The following CSMD1 variants were observed in gnomAD, a reference collection of about 807,000 sequenced individuals.
CSMD1 encodes CUB and sushi domain-containing protein 1.
Under a neutral mutation model 417.5 loss-of-function variants are expected in CSMD1, and 213 were observed. That is an observed-to-expected ratio of 0.51 (90% CI 0.46 to 0.57). CSMD1 has a LOEUF of 0.57. Ranked by LOEUF, CSMD1 falls within the 20% of genes least tolerant of loss-of-function variation. The pLI, the probability that CSMD1 is intolerant of heterozygous loss-of-function variation, is 0.00. For synonymous variants in CSMD1, 2,862 were observed against 1,736.8 expected (o/e 1.65, Z -16.11); for missense variants, 6,923 against 4,529.7 (o/e 1.53, Z -15.17).
intron 7 of CSMD1, among the ~76,000 whole-genome samples, chr8:3,630,786 G>C (rs1036675823): frequency 1.3e-4 from 20 of 152,194 alleles, no homozygotes; most frequent in Admixed American, 4.6e-4. Flanking sequence ...TAAAGCAATA[G>C]AAGAACACAT....
chr8:3,258,216 A>G (rs958920183), intron 26 of CSMD1, among the ~76,000 whole-genome samples: 1 of 152,238 alleles, frequency 6.6e-6, no homozygotes. Flanking sequence ...AATGTCTAAT[A>G]TCCAGCATCT....
chr8:4,431,104 A>T (rs144979601), intron 2 of CSMD1, among the ~76,000 whole-genome samples: 1 of 152,110 alleles, frequency 6.6e-6, no homozygotes, highest in East Asian at 1.9e-4. Flanking sequence ...ATTTAATCTT[A>T]AACAGACCAC....
chr8:4,341,224 G>C (rs1168018873), intron 3 of CSMD1, among the ~76,000 whole-genome samples: 1 of 151,990 alleles, frequency 6.6e-6, no homozygotes, highest in Non-Finnish European at 1.5e-5. Flanking sequence ...CATGGTACTA[G>C]CAATTACATA....
At chr8:4,207,755 T>A (rs1647313) in intron 3 of CSMD1, among the ~76,000 whole-genome samples, 148,023 of 152,110 alleles carry the variant, frequency 0.97, 72,165 homozygotes, top group Middle Eastern at 1. Context: ...AACATTTCGA[T>A]AATCTACTAG....
At chr8:4,838,647 T>C (rs1221609895) in intron 1 of CSMD1, among the ~76,000 whole-genome samples, 2 of 152,242 alleles carry the variant, frequency 1.3e-5, no homozygotes, top group Non-Finnish European at 2.9e-5. Flanking sequence ...ATAGCTCTAT[T>C]GCAGACGCGG....
At chr8:4,934,007 T>A (rs12679259) in intron 1 of CSMD1, among the ~76,000 whole-genome samples, 41,901 of 150,580 alleles carry the variant, frequency 0.28, 6,433 homozygotes, top group East Asian at 0.47. Context: ...GCTTTTTTTT[T>A]AAAAAAAAAT....
chr8:4,635,220 T>G (rs1802752101), intron 2 of CSMD1, among the ~76,000 whole-genome samples: 1 of 152,160 alleles, frequency 6.6e-6, no homozygotes, highest in Admixed American at 6.5e-5. Flanking sequence ...AAACATTCTG[T>G]TGTACATACA....
intron 2 of CSMD1, among the ~76,000 whole-genome samples, chr8:4,517,132 G>C (rs1362486490): frequency 6.6e-6 from 1 of 152,006 alleles, no homozygotes; most frequent in Non-Finnish European, 1.5e-5. Flanking sequence ...ATGAAATAAA[G>C]GAAAACATGA....
chr8:3,338,950 G>C (rs1205958733), intron 23 of CSMD1, among the ~76,000 whole-genome samples: 1 of 150,946 alleles, frequency 6.6e-6, no homozygotes, highest in African/African-American at 2.4e-5. Flanking sequence ...TCGTCATCTA[G>C]CATTACGTAT....
rs1194658805 is a variant in CSMD1 at position 3,110,229 on chromosome 8, A to G, written c.6537T>C (p.Pro2179=). 1 of 1,613,020 alleles carries G rather than the reference A, an allele frequency of 6.2e-7. No homozygotes were observed. The highest frequency in any genetic ancestry group is 1.3e-5 in the African/African-American group (1 of 74,910). ...LKDCIWLITV[P]PGHGVYINFT... ...AGTTGATGTAAACTCCGTGCCCTGG[A>G]GGCACCGTGATGAGCCAAATGCAGT... Residue 2179 remains proline (P), a synonymous_variant, in exon 43 of 70, where the codon CCT becomes CCC. Transcript: ENST00000635120.
chr8:4,916,641 T>TA (rs1473131109), intron 1 of CSMD1, among the ~76,000 whole-genome samples: 1 of 152,212 alleles, frequency 6.6e-6, no homozygotes, highest in Non-Finnish European at 1.5e-5. Context: ...TAACCTCCAA[T>TA]AAAAATACTT....
intron 3 of CSMD1, among the ~76,000 whole-genome samples, chr8:4,216,249 G>C (rs113592378): frequency 7.2e-5 from 11 of 151,882 alleles, no homozygotes; most frequent in African/African-American, 2.7e-4. Flanking sequence ...TTTCTGCCTG[G>C]AATCCTTTCA....
rs141848304 is a variant in CSMD1, at chr8:4,782,077, C to G, written c.86-144519G>C. ...CCAATTATTTCAAATTACAGTAGCA[C>G]AAGCAGCTAGGCTATGCCTTTTAAA... On this transcript the variant is annotated intron_variant, in intron 1 of 69. Transcript: ENST00000635120. Among the ~76,000 whole-genome samples the G allele has an allele frequency of 5.8e-3, 879 of 152,232 alleles. 5 individuals are homozygous for G. The highest frequency in any genetic ancestry group is 0.02 in the African/African-American group (849 of 41,522).
At chr8:3,971,382 G>C (rs553648166) in intron 5 of CSMD1, among the ~76,000 whole-genome samples, 1 of 152,066 alleles carries the variant, frequency 6.6e-6, no homozygotes, top group Non-Finnish European at 1.5e-5. Context: ...AATGACGACT[G>C]TCCCTATTAA....
In CSMD1 at chr8:3,231,563, A is replaced by C. The variant is rs1256130509; in HGVS notation, c.4154-1332T>G. Among the ~76,000 whole-genome samples, 7 of 152,210 alleles carry C rather than the reference A, an allele frequency of 4.6e-5. No homozygotes were observed. The East Asian group carries it at 1.2e-3, about 25-fold the overall frequency. ...TAAATGGAATAATAAAATCCATTTA[A>C]ATAAAAAGTTAGAAGATATATAAAA... is the stretch of plus-strand genomic sequence containing the variant. On this transcript the variant is annotated intron_variant, in intron 26 of 69. Coordinates refer to ENST00000635120, the MANE Select transcript of CSMD1 (RefSeq NM_033225.6).
intron 1 of CSMD1, among the ~76,000 whole-genome samples, chr8:4,751,342 G>C (rs927651899): frequency 2.6e-5 from 4 of 151,976 alleles, no homozygotes; most frequent in East Asian, 3.9e-4. Flanking sequence ...AGTGAGCCGA[G>C]ATAGCGCCAC....
intron 5 of CSMD1, among the ~76,000 whole-genome samples, chr8:3,850,271 A>T (rs190509699): frequency 4.6e-5 from 7 of 152,212 alleles, no homozygotes; most frequent in African/African-American, 1.7e-4. Flanking sequence ...GATAGAATCA[A>T]TATGTGCACA....
At chr8:4,403,380 C>G (rs1804784417) in intron 3 of CSMD1, among the ~76,000 whole-genome samples, 1 of 152,102 alleles carries the variant, frequency 6.6e-6, no homozygotes, top group Non-Finnish European at 1.5e-5. Flanking sequence ...ACCTCTCTAA[C>G]TTCTCTCATC....
intron 5 of CSMD1, among the ~76,000 whole-genome samples, chr8:3,872,397 T>G (rs1371987785): frequency 6.6e-6 from 1 of 152,168 alleles, no homozygotes; most frequent in Non-Finnish European, 1.5e-5. Context: ...TCTCAACTGT[T>G]CATTACTACC....
Sources: allele counts gnomAD v4.1 joint callset (sites outside exome capture counted in the v4.1 genomes callset), GRCh38; gene constraint gnomAD v4.1.1; transcripts MANE v1.5; gene names NCBI Gene and HGNC (gene_info 2026-07-23, HGNC 2026-07-21).